JAK1: variants seen among roughly 807,000 people sequenced by gnomAD.
JAK1 encodes the protein Janus kinase 1.
JAK1 carries 16 observed loss-of-function variants against 136.6 expected under a neutral mutation model. That is an observed-to-expected ratio of 0.12 (90% confidence interval 0.08 to 0.18). JAK1 has a LOEUF of 0.18. Among genes scored for constraint, JAK1 ranks in the 10% least tolerant of loss-of-function variants. The pLI, the probability that JAK1 is intolerant of heterozygous loss-of-function variation, is 1.00. For missense variants in JAK1, 859 were observed against 1,450.1 expected (o/e 0.59, Z 6.62); for synonymous variants, 492 against 519.5 (o/e 0.95, Z 0.72).
intron 1 of JAK1, among the ~76,000 whole-genome samples, chr1:64,939,307 T>C (rs1035904409): frequency 6.6e-6 from 1 of 152,174 alleles, no homozygotes; most frequent in South Asian, 2.1e-4. Flanking sequence ...AGGGTGACCA[T>C]ACAGCTAGGA....
intron 1 of JAK1, among the ~76,000 whole-genome samples, chr1:65,066,153 G>A (rs1648030809): frequency 6.6e-6 from 1 of 152,140 alleles, no homozygotes; most frequent in Non-Finnish European, 1.5e-5. Flanking sequence ...GCACAGGTGT[G>A]GTCTTTCTCC....
intron 2 of JAK1, among the ~76,000 whole-genome samples, chr1:65,021,684 T>C (rs1453316770): frequency 1.3e-5 from 2 of 152,142 alleles, no homozygotes; most frequent in Non-Finnish European, 1.5e-5. Flanking sequence ...GCAATCTAAT[T>C]ACTGCTGTTA....
At position 64,966,501 on chromosome 1, in the gene JAK1, T is replaced by A. The variant is rs1466397142; in HGVS notation, c.-246A>T. Reference sequence around the variant, plus strand: ...GGACTGGGCGCAGGCCCGCACTGTCTGCAGCTCCAGGATACTCCGCGGCCG... The same window carrying A: ...GGACTGGGCGCAGGCCCGCACTGTCAGCAGCTCCAGGATACTCCGCGGCCG... On this transcript the variant is annotated 5_prime_UTR_variant, in exon 1 of 25. Coordinates refer to ENST00000342505, the MANE Select transcript of JAK1 (RefSeq NM_002227.4). The A allele has an allele frequency of 6.6e-6, 1 of 150,414 alleles. No homozygotes were observed. Among genetic ancestry groups the A allele is most frequent in the Non-Finnish European group, 1.5e-5 (1 of 67,482 alleles). The allele number at this position is 150,414 out of a possible 1,614,324, so 9.3% of individuals were successfully genotyped here. A position where few individuals can be genotyped will look rare whatever the true frequency, so the allele number is the denominator to read the frequency against.
intron 14 of JAK1, 115 bp downstream of exon 14, chr1:64,846,534 A>AAAAAG: frequency 1.3e-6 from 1 of 744,356 alleles, no homozygotes; most frequent in South Asian, 1.6e-5. Context: ...CCTCAACTGC[A>AAAAAG]AAAAGAAAGG....
At chr1:65,000,321 T>A (rs1463271555) in intron 2 of JAK1, among the ~76,000 whole-genome samples, 1 of 151,984 alleles carries the variant, frequency 6.6e-6, no homozygotes, top group African/African-American at 2.4e-5. Flanking sequence ...AATCTACCCA[T>A]GCAAATAATT....
intron 1 of JAK1, among the ~76,000 whole-genome samples, chr1:64,943,889 A>G (rs915777905): frequency 5.3e-4 from 81 of 151,884 alleles, no homozygotes; most frequent in African/African-American, 2.0e-3. Flanking sequence ...GGGCTTGACT[A>G]GGCAATCCAC....
intron 11 of JAK1, among the ~76,000 whole-genome samples, chr1:64,854,273 G>A (rs1443351486): frequency 6.6e-6 from 1 of 152,124 alleles, no homozygotes; most frequent in Non-Finnish European, 1.5e-5. Context: ...ACGTTCGCTT[G>A]GAAGAACAAG....
chr1:64,984,982 C>G lies in JAK1; in HGVS notation c.-78+59498G>C. On this transcript the variant is annotated intron_variant, in intron 2 of 25. Transcript: ENST00000671954. The surrounding 1 kb of genome is among the most constrained non-coding windows in gnomAD (Gnocchi z 4.1). Reference sequence around the variant, plus strand: ...CCAATTTCAAAGAAGACCACAAAGACCAAGATAGCCCCAATACAGACAAAG... The same window carrying G: ...CCAATTTCAAAGAAGACCACAAAGAGCAAGATAGCCCCAATACAGACAAAG... The G allele has an allele frequency of 1.1e-6, 1 of 897,238 alleles. No individual in the cohort carries two copies. The highest frequency in any genetic ancestry group is 1.3e-5 in the South Asian group (1 of 76,770). 55.6% of individuals were successfully genotyped at this position (897,238 alleles called of 1,614,324 possible). A position where few individuals can be genotyped will look rare whatever the true frequency, so the allele number is the denominator to read the frequency against.
rs1475745225 is a variant in JAK1, at chr1:65,057,641, A to G, written c.-181+9963T>C. 1.9e-5 allele frequency: 3 copies of G among 154,694 alleles called. 1 individual carries two copies. In the Admixed American group the frequency reaches 2.0e-4, roughly 10 times the overall value. The allele number at this position is 154,694 out of a possible 1,614,324, so 9.6% of individuals were successfully genotyped here. A position where few individuals can be genotyped will look rare whatever the true frequency, so the allele number is the denominator to read the frequency against. On this transcript the variant is annotated intron_variant, in intron 1 of 25. Coordinates refer to the JAK1 transcript ENST00000671954. Reference sequence around the variant, plus strand: ...GAGATCAAGGTTGAAGTAAGCTATGATCATGCCACTGCACTCCCGTGTGGG... The same window carrying G: ...GAGATCAAGGTTGAAGTAAGCTATGGTCATGCCACTGCACTCCCGTGTGGG...
intron 19 of JAK1, among the ~76,000 whole-genome samples, chr1:64,840,665 CAATAAAA>C (rs1023381212): frequency 6.6e-6 from 1 of 152,012 alleles, no homozygotes; most frequent in Non-Finnish European, 1.5e-5. Context: ...CCCATTTCTA[CAATAAAA>C]AATAAAAAAT....
intron 5 of JAK1, among the ~76,000 whole-genome samples, chr1:64,870,018 A>AC (rs144665643): frequency 0.064 from 9,702 of 151,708 alleles, 552 homozygotes; most frequent in African/African-American, 0.16. Context: ...ACCAAAATAT[A>AC]CCCCCCCACT....
intron 24 of JAK1, among the ~76,000 whole-genome samples, chr1:64,835,122 CTA>C (rs1654390562): frequency 6.6e-6 from 1 of 152,228 alleles, no homozygotes; most frequent in Non-Finnish European, 1.5e-5. Flanking sequence ...CACACTAAGG[CTA>C]CACCAAAACC....
intron 1 of JAK1, among the ~76,000 whole-genome samples, chr1:64,948,952 C>T (rs1358724987): frequency 6.6e-6 from 1 of 152,134 alleles, no homozygotes; most frequent in Non-Finnish European, 1.5e-5. Flanking sequence ...ATCTACAGAA[C>T]TTACTGTCCT....
intron 2 of JAK1, among the ~76,000 whole-genome samples, chr1:65,000,879 TTTTTG>T (rs1646749523): frequency 6.6e-6 from 1 of 151,674 alleles, no homozygotes; most frequent in Admixed American, 6.6e-5. Context: ...GGCGGTTGGA[TTTTTG>T]TTTTGTTTTG....
intron 4 of JAK1, among the ~76,000 whole-genome samples, chr1:64,875,454 T>C (rs1657344234): frequency 6.6e-6 from 1 of 152,238 alleles, no homozygotes; most frequent in African/African-American, 2.4e-5. Context: ...GCTGCAGCTG[T>C]CCTGCTCACC....
chr1:64,891,512 T>C (rs1454957191), intron 1 of JAK1, among the ~76,000 whole-genome samples: 5 of 152,208 alleles, frequency 3.3e-5, no homozygotes, highest in Non-Finnish European at 5.9e-5. Context: ...TGCTCTGCCC[T>C]GGCACCACTG....
intron 2 of JAK1, among the ~76,000 whole-genome samples, chr1:64,982,547 G>A (rs77157179): frequency 2.0e-5 from 3 of 152,082 alleles, no homozygotes; most frequent in African/African-American, 4.8e-5. Flanking sequence ...TAAAATACGA[G>A]GAAGTTCTCT....
intron 1 of JAK1, among the ~76,000 whole-genome samples, chr1:64,948,613 T>C (rs1361471203): frequency 6.6e-6 from 1 of 152,274 alleles, no homozygotes; most frequent in Non-Finnish European, 1.5e-5. Flanking sequence ...ATGAGATCCA[T>C]GTTCTGAAAT....
intron 1 of JAK1, among the ~76,000 whole-genome samples, chr1:64,911,245 T>C (rs1197949533): frequency 6.6e-6 from 1 of 152,170 alleles, no homozygotes; most frequent in African/African-American, 2.4e-5. Context: ...CTTCGAAAGA[T>C]TAATAGTAAA....
Sources: gnomAD v4.1 joint callset for allele counts (sites outside exome capture counted in the v4.1 genomes callset) on GRCh38, gnomAD v4.1.1 for gene constraint, Gnocchi (gnomAD v3.1) non-coding constraint, MANE v1.5 for transcripts, NCBI Gene and HGNC (gene_info 2026-07-23, HGNC 2026-07-21) for gene names.